The following RANBP17 variants were observed in gnomAD, a reference collection of about 807,000 sequenced individuals.
RANBP17 encodes RAN binding protein 17, also known as ran-binding protein 17.
Under a neutral mutation model 141.2 loss-of-function variants are expected in RANBP17, and 158 were observed. The ratio of observed to expected loss-of-function variants is 1.12; its 90% CI spans 0.98 to 1.28. RANBP17 has a LOEUF of 1.28. Ranked by LOEUF, RANBP17 falls within the 50% of genes most tolerant of loss-of-function variation. The pLI is 0.00. For missense variants in RANBP17, 1,438 were observed against 1,290.7 expected, an observed-to-expected ratio of 1.11 and a Z score of -1.75; for synonymous variants, 430 against 450.0, an observed-to-expected ratio of 0.96 and a Z score of 0.56.
At chr5:171,252,764 C>T in intron 24 of RANBP17, 1 of 1,330,378 alleles carries the variant, frequency 7.5e-7, no homozygotes, top group South Asian at 1.2e-5. Context: ...AGACTTGCTT[C>T]ATATGAAAGT....
At chr5:171,086,584 A>G (rs1264772380) in intron 14 of RANBP17, among the ~76,000 whole-genome samples, 1 of 141,906 alleles carries the variant, frequency 7.0e-6, no homozygotes, top group Non-Finnish European at 1.5e-5. Flanking sequence ...CTGTGAATCC[A>G]TCTGGTCCTG....
At chr5:170,903,591 C>A in intron 5 of RANBP17, 1 of 245,604 alleles carries the variant, frequency 4.1e-6, no homozygotes, top group South Asian at 7.2e-5. Flanking sequence ...TTATGACCTC[C>A]ATTTATCCTT....
At chr5:171,100,938 A>C (rs1189231300) in intron 14 of RANBP17, among the ~76,000 whole-genome samples, 1 of 152,074 alleles carries the variant, frequency 6.6e-6, no homozygotes, top group Non-Finnish European at 1.5e-5. Flanking sequence ...CCTGAGTTTT[A>C]ATTTGATTGC....
rs1456045058 is a variant in RANBP17, at chr5:171,029,434, GTTTGTAGATGGCTTGGAA to G, written c.1710+61058_1710+61075del. ...CGTAATTTTAATAACGTTTGATTAT[GTTTGTAGATGGCTTGGAA>G]CCAGAAGCTGATTGAGAATATTAGA... On this transcript the variant is annotated intron_variant, in intron 14 of 27. Transcript: ENST00000523189. Among the ~76,000 whole-genome samples, 198 of 152,260 alleles carry G rather than the reference GTTTGTAGATGGCTTGGAA, an allele frequency of 1.3e-3. 1 individual carries two copies. Among genetic ancestry groups the G allele is most frequent in the African/African-American group, 4.6e-3 (193 of 41,566 alleles).
intron 14 of RANBP17, among the ~76,000 whole-genome samples, chr5:171,067,080 G>A (rs923123253): frequency 6.6e-6 from 1 of 152,026 alleles, no homozygotes; most frequent in African/African-American, 2.4e-5. Context: ...ATATGCTTTT[G>A]TTCCTCAGTT....
intron 22 of RANBP17, among the ~76,000 whole-genome samples, chr5:171,235,898 T>A (rs529134544): frequency 3.3e-5 from 5 of 152,360 alleles, no homozygotes; most frequent in South Asian, 4.1e-4. Flanking sequence ...CCAGCCTTTT[T>A]AAAATATTTT....
chr5:171,074,897 T>C (rs1784824803), intron 14 of RANBP17, among the ~76,000 whole-genome samples: 1 of 152,200 alleles, frequency 6.6e-6, no homozygotes, highest in South Asian at 2.1e-4. Context: ...AAGTTGGTTG[T>C]TGTCTTCTCT....
intron 14 of RANBP17, among the ~76,000 whole-genome samples, chr5:170,989,888 A>G (rs777145043): frequency 3.3e-5 from 5 of 151,828 alleles, no homozygotes; most frequent in African/African-American, 1.2e-4. Context: ...AAAACAAACA[A>G]TGAAAGCTAA....
At chr5:171,090,377 C>T (rs1460766481) in intron 14 of RANBP17, among the ~76,000 whole-genome samples, 2 of 152,158 alleles carry the variant, frequency 1.3e-5, no homozygotes, top group Non-Finnish European at 2.9e-5. Flanking sequence ...GGCTATCTGG[C>T]AGAATAAATT....
chr5:171,217,637 G>A (rs891092419), intron 21 of RANBP17, among the ~76,000 whole-genome samples: 1 of 152,162 alleles, frequency 6.6e-6, no homozygotes, highest in Non-Finnish European at 1.5e-5. Flanking sequence ...TCTTGGGAAG[G>A]TGTATGTATC....
Position 170,953,679 on chromosome 5 carries a change from T to C in RANBP17, c.1551T>C (p.Ala517=). Reference sequence around the variant, plus strand: ...ATACCAGTACAGATGAGCATGATGCTATGGATGGAGAATTATCCTGTCGGT... The same window carrying C: ...ATACCAGTACAGATGAGCATGATGCCATGGATGGAGAATTATCCTGTCGGT... ...LTYTSTDEHD[A]MDGELSCRVF... is the part of the protein sequence containing the mutation. Residue 517 remains alanine (A), a synonymous_variant, in exon 13 of 28, where the codon GCT becomes GCC. Coordinates refer to ENST00000523189, the MANE Select transcript of RANBP17 (RefSeq NM_022897.5). 6.2e-7 allele frequency: 1 copy of C among 1,606,010 alleles called. No homozygotes were observed. Among genetic ancestry groups the C allele is most frequent in the Non-Finnish European group, 8.5e-7 (1 of 1,173,142 alleles).
chr5:170,979,929 A>G (rs780348268), intron 14 of RANBP17, among the ~76,000 whole-genome samples: 1 of 152,206 alleles, frequency 6.6e-6, no homozygotes, highest in Non-Finnish European at 1.5e-5. Context: ...TCAGAAGAAG[A>G]CAGGAAAATG....
At chr5:170,961,794 G>C (rs1336813842) in intron 13 of RANBP17, among the ~76,000 whole-genome samples, 1 of 152,198 alleles carries the variant, frequency 6.6e-6, no homozygotes. Flanking sequence ...ACACTTGTTA[G>C]AGGTGGCAGC....
At chr5:171,169,215 G>C (rs1158618228) in intron 14 of RANBP17, among the ~76,000 whole-genome samples, 5 of 152,138 alleles carry the variant, frequency 3.3e-5, no homozygotes, top group Non-Finnish European at 5.9e-5. Flanking sequence ...TAGAAGCTAT[G>C]TTGCTGTACA....
chr5:171,269,229 A>G (rs1766941077), intron 25 of RANBP17, among the ~76,000 whole-genome samples: 1 of 152,164 alleles, frequency 6.6e-6, no homozygotes, highest in Admixed American at 6.5e-5. Context: ...TTTGACCTCT[A>G]TTCTTATGCA....
At chr5:171,190,162 C>A (rs1323334227) in intron 18 of RANBP17, among the ~76,000 whole-genome samples, 1 of 152,068 alleles carries the variant, frequency 6.6e-6, no homozygotes, top group East Asian at 1.9e-4. Flanking sequence ...ATAAGCCATG[C>A]ACATTGGAGT....
In RANBP17 at chr5:170,862,061, C is replaced by T. The variant is rs768694742; in HGVS notation, c.18+10C>T. The T allele has an allele frequency of 8.9e-6, 13 of 1,454,574 alleles. No individual in the cohort carries two copies. The highest frequency in any genetic ancestry group is 1.2e-5 in the Non-Finnish European group (13 of 1,110,220). 90.1% of individuals were successfully genotyped at this position (1,454,574 alleles called of 1,614,324 possible). On this transcript the variant is annotated intron_variant, in intron 1 of 27. Transcript: ENST00000523189. The stretch of plus-strand genomic sequence containing the variant: ...GGCGCTGCACTTCCAGGTCAGTGTG[C>T]TCTGCGCCGCGGGCCCGCGCTCCGC...
intron 14 of RANBP17, among the ~76,000 whole-genome samples, chr5:171,034,273 A>G (rs1418771204): frequency 1.3e-5 from 2 of 152,200 alleles, no homozygotes; most frequent in South Asian, 2.1e-4. Context: ...TCCAAAGAGG[A>G]CAGCTTGGTC....
intron 14 of RANBP17, among the ~76,000 whole-genome samples, chr5:170,984,512 A>G (rs571202825): frequency 2.0e-5 from 3 of 152,044 alleles, no homozygotes; most frequent in Non-Finnish European, 4.4e-5. Context: ...CTGTAGTCCC[A>G]GATACTCATG....
Sources: allele counts gnomAD v4.1 joint callset (sites outside exome capture counted in the v4.1 genomes callset), GRCh38; gene constraint gnomAD v4.1.1; transcripts MANE v1.5; gene names NCBI Gene and HGNC (gene_info 2026-07-23, HGNC 2026-07-21).